Variants in ITGA7 observed in about 807,000 individuals in gnomAD.
ITGA7 encodes integrin subunit alpha 7, also known as integrin alpha-7.
A neutral mutation model predicts 131.6 loss-of-function variants in ITGA7; 84 were observed. The ratio of observed to expected loss-of-function variants is 0.64; its 90% CI spans 0.54 to 0.77. The LOEUF (loss-of-function observed/expected upper bound fraction) is 0.77, where lower values mean the gene tolerates loss of function less well. Ranked by LOEUF, ITGA7 falls within the 30% of genes least tolerant of loss-of-function variation. The pLI is 0.00. For missense variants in ITGA7, 1,399 were observed against 1,482.9 expected, an observed-to-expected ratio of 0.94 and a Z score of 0.93; for synonymous variants, 548 against 600.7, an observed-to-expected ratio of 0.91 and a Z score of 1.28.
chr12:55,686,217 C>T (rs1189722718), intron 24 of ITGA7: 4 of 1,349,890 alleles, frequency 3.0e-6, no homozygotes, highest in Non-Finnish European at 3.9e-6. Flanking sequence ...AGTCCCTGGA[C>T]CCCCAACTTC....
At chr12:55,698,948 T>C (rs1873318006) in intron 5 of ITGA7, 31 bp from the exon 6 acceptor site, 2 of 1,570,822 alleles carry the variant, frequency 1.3e-6, no homozygotes, top group Non-Finnish European at 1.7e-6. Flanking sequence ...CCCTAAGTCT[T>C]CACCCCAAGA....
upstream of ITGA7, among the ~76,000 whole-genome samples, chr12:55,708,488 G>A (rs979193166): frequency 6.6e-6 from 1 of 151,784 alleles, no homozygotes; most frequent in African/African-American, 2.4e-5. Context: ...CAAGGGAACA[G>A]AGAAAAAGAG....
intron 1 of ITGA7, among the ~76,000 whole-genome samples, chr12:55,706,196 G>A (rs1207638272): frequency 6.6e-6 from 1 of 152,204 alleles, no homozygotes; most frequent in Non-Finnish European, 1.5e-5. Flanking sequence ...CTCGAACTCT[G>A]ACAGATGGAG....
upstream of ITGA7, among the ~76,000 whole-genome samples, chr12:55,709,816 G>A (rs1875899549): frequency 6.6e-6 from 1 of 151,994 alleles, no homozygotes; most frequent in Non-Finnish European, 1.5e-5. Context: ...CCAAGAATCT[G>A]CTTCTGACCT....
chr12:55,701,275 A>T, intron 3 of ITGA7, 121 bp from the exon 4 acceptor site: 1 of 1,569,654 alleles, frequency 6.4e-7, no homozygotes, highest in African/African-American at 1.3e-5. Context: ...GCACATGCAC[A>T]TGCACACATA....
Position 55,697,500 on chromosome 12 carries a change from G to A in ITGA7, c.1456C>T (p.Arg486Ter), listed in dbSNP as rs372328960. 6.8e-6 allele frequency: 11 copies of A among 1,613,986 alleles called. No individual in the cohort carries two copies. Among genetic ancestry groups the A allele is most frequent in the East Asian group, 2.2e-5 (1 of 44,900 alleles). ...TTGGGCTGCTCCAGGTCGATGCTTC[G>A]TGGAGCAATAGAGACCTCATGGGAG... The part of the protein sequence containing the change: ...HVSHEVSIAP[R>*]SIDLEQPNCA... The change falls in exon 10 of 25, where the codon CGA becomes TGA. Residue 486 changes from arginine to a stop codon, truncating the protein, a stop_gained. Transcript: ENST00000257879. LOFTEE classifies it high-confidence loss of function.
upstream of ITGA7, among the ~76,000 whole-genome samples, chr12:55,708,784 T>C (rs1325409321): frequency 6.6e-6 from 1 of 152,092 alleles, no homozygotes; most frequent in African/African-American, 2.4e-5. Context: ...ACATTTCCTA[T>C]CCATGAAAGG....
At position 55,707,820 on chromosome 12, in the gene ITGA7, G is replaced by GGCCCAGCC; in HGVS notation, c.-139_-138insGGCTGGGC. The GGCCCAGCC allele has an allele frequency of 1.8e-5, 26 of 1,455,744 alleles. No individual in the cohort carries two copies. The highest frequency in any genetic ancestry group is 2.1e-5 in the Non-Finnish European group (23 of 1,102,460). The allele number at this position is 1,455,744 out of a possible 1,614,324, so 90.2% of individuals were successfully genotyped here. A position where few individuals can be genotyped will look rare whatever the true frequency, so the allele number is the denominator to read the frequency against. ...CGTCTCCCAGACGTTCGCCCCGCCA[G>GGCCCAGCC]CCCTCCCGCCCGCCCGCCGCTCCGC... On this transcript the variant is annotated 5_prime_UTR_variant, in exon 1 of 25. Coordinates refer to ENST00000257879, the MANE Select transcript of ITGA7 (RefSeq NM_002206.3).
intron 1 of ITGA7, among the ~76,000 whole-genome samples, chr12:55,705,684 C>T (rs1341683761): frequency 6.6e-6 from 1 of 152,266 alleles, no homozygotes; most frequent in East Asian, 1.9e-4. Context: ...TCACAGCACT[C>T]ACTGCGGGCT....
intron 14 of ITGA7, chr12:55,695,281 A>G: frequency 1.7e-6 from 1 of 599,054 alleles, no homozygotes. Flanking sequence ...AACCAATGAG[A>G]TGTATGTAGA....
At chr12:55,712,914 C>T (rs541247054), upstream of ITGA7, among the ~76,000 whole-genome samples, 5 of 152,242 alleles carry the variant, frequency 3.3e-5, no homozygotes, top group East Asian at 9.6e-4. Flanking sequence ...GTCTCTACAC[C>T]GATTGTGAAA....
At chr12:55,698,310 C>T (rs1873100946) in intron 7 of ITGA7, 73 bp downstream of exon 7, 1 of 1,378,276 alleles carries the variant, frequency 7.3e-7, no homozygotes, top group Non-Finnish European at 9.9e-7. Context: ...AGACCACACC[C>T]TGACCTCTGA....
rs1383731714 is a variant in ITGA7, at chr12:55,707,641, C to T, written c.42G>A (p.Gly14=). The T allele has an allele frequency of 6.2e-7, 1 of 1,600,130 alleles. No individual in the cohort carries two copies. Among genetic ancestry groups the T allele is most frequent in the Non-Finnish European group, 8.5e-7 (1 of 1,173,316 alleles). ...GCAGGGAGCCAAAAAGGTAGCAAATCCCGGAGGCCCCCCAAGGGTCGCGGC... is the reference window on the plus strand; with the variant it reads ...GCAGGGAGCCAAAAAGGTAGCAAATTCCGGAGGCCCCCCAAGGGTCGCGGC... ...ARSRDPWGAS[G]ICYLFGSLLV... is the part of the protein sequence containing the mutation. The change falls in exon 1 of 25, where the codon GGG becomes GGA. Residue 14 remains glycine (G), a synonymous_variant. Coordinates refer to ENST00000257879, the MANE Select transcript of ITGA7 (RefSeq NM_002206.3).
intron 3 of ITGA7, 58 bp downstream of exon 3, chr12:55,702,814 T>C: frequency 7.4e-7 from 1 of 1,350,958 alleles, no homozygotes; most frequent in Non-Finnish European, 1.0e-6. Context: ...GCACACACCA[T>C]AAACACACAC....
intron 4 of ITGA7, chr12:55,700,474 C>G: frequency 6.7e-7 from 1 of 1,494,800 alleles, no homozygotes; most frequent in Non-Finnish European, 9.0e-7. Context: ...GACAGGCACA[C>G]GGGGAAGCCC....
chr12:55,699,044 TG>T, intron 5 of ITGA7, 127 bp from the exon 6 acceptor site: 1 of 788,948 alleles, frequency 1.3e-6, no homozygotes, highest in Non-Finnish European at 2.0e-6. Context: ...CCCTGCACCC[TG>T]CCCCCTCCCC....
At chr12:55,710,424 A>C (rs1228819267), upstream of ITGA7, among the ~76,000 whole-genome samples, 1 of 151,860 alleles carries the variant, frequency 6.6e-6, no homozygotes, top group African/African-American at 2.4e-5. Flanking sequence ...ATTAAAATAA[A>C]TAAACTGTTA....
upstream of ITGA7, chr12:55,712,094 CTG>C: frequency 6.4e-7 from 1 of 1,551,520 alleles, no homozygotes; most frequent in Admixed American, 2.0e-5. Flanking sequence ...CTGCCTGCCT[CTG>C]AATTCTGGTT....
At chr12:55,696,544 G>C (rs1304626951) in intron 12 of ITGA7, 112 bp from the exon 13 acceptor site, 16 of 1,228,546 alleles carry the variant, frequency 1.3e-5, no homozygotes, top group Non-Finnish European at 1.7e-5. Flanking sequence ...ATATTAGGGA[G>C]ATGAATGAGA....
Sources: allele counts gnomAD v4.1 joint callset (sites outside exome capture counted in the v4.1 genomes callset), GRCh38; gene constraint gnomAD v4.1.1; transcripts MANE v1.5; gene names NCBI Gene and HGNC (gene_info 2026-07-23, HGNC 2026-07-21).